The following CUL1 variants were observed in gnomAD, a reference collection of about 807,000 sequenced individuals.
The protein encoded by CUL1 is cullin-1.
In CUL1, 24 loss-of-function variants were observed where a neutral mutation model predicts 118.0. That is an observed-to-expected ratio of 0.20 (90% CI 0.15 to 0.29). The LOEUF (loss-of-function observed/expected upper bound fraction) is 0.29, where lower values mean the gene tolerates loss of function less well. Ranked by LOEUF, CUL1 falls within the 10% of genes least tolerant of loss-of-function variation. The pLI, the probability that CUL1 is intolerant of heterozygous loss-of-function variation, is 1.00. For missense variants in CUL1, 361 were observed against 933.8 expected, an observed-to-expected ratio of 0.39 and a Z score of 7.99; for synonymous variants, 332 against 340.4, an observed-to-expected ratio of 0.98 and a Z score of 0.27.
At position 148,783,288 on chromosome 7, in the gene CUL1, G is replaced by A. The variant is rs547944184; in HGVS notation, c.1084-495G>A. ...CGATGAGGCCCTGGCCCCCGGCATCGCCACGCGGATCCGCGCCTCTGGTTT... is the reference window on the plus strand; with the variant it reads ...CGATGAGGCCCTGGCCCCCGGCATCACCACGCGGATCCGCGCCTCTGGTTT... On this transcript the variant is annotated intron_variant, in intron 9 of 21. Transcript: ENST00000325222. 41 of 979,458 alleles carry A rather than the reference G, an allele frequency of 4.2e-5. 1 individual carries two copies. Among genetic ancestry groups the A allele is most frequent in the East Asian group, 1.1e-4 (1 of 8,746 alleles). The allele number at this position is 979,458 out of a possible 1,614,324, so 60.7% of individuals were successfully genotyped here.
At chr7:148,747,889 T>G (rs924197263) in intron 2 of CUL1, among the ~76,000 whole-genome samples, 1 of 152,162 alleles carries the variant, frequency 6.6e-6, no homozygotes, top group African/African-American at 2.4e-5. Context: ...ATTGAAGACT[T>G]TCAACCAAGG....
Position 148,754,371 on chromosome 7 carries a change from A to G in CUL1, c.315+221A>G, listed in dbSNP as rs916833805. 4.0e-4 allele frequency among the ~76,000 whole-genome samples: 61 copies of G among 152,158 alleles called. 1 individual carries two copies. The highest frequency in any genetic ancestry group is 3.2e-3 in the Admixed American group (49 of 15,272). On this transcript the variant is annotated intron_variant, in intron 3 of 21. Coordinates refer to ENST00000325222, the MANE Select transcript of CUL1 (RefSeq NM_003592.3). ...GTTTTTTCGAGATGGAGATCTCACT[A>G]TGTTGCCCAGGCTGGATTTTTGATC...
At chr7:148,749,889 A>C (rs1038591209) in intron 2 of CUL1, among the ~76,000 whole-genome samples, 8 of 152,268 alleles carry the variant, frequency 5.3e-5, no homozygotes. Context: ...GGAGGAAATT[A>C]AAAGCGCTGC....
rs894661962 is a variant in CUL1 at position 148,800,723 on chromosome 7, G to A, written c.*141G>A. 1.1e-5 allele frequency: 7 copies of A among 640,444 alleles called. No individual in the cohort carries two copies. Among genetic ancestry groups the A allele is most frequent in the South Asian group, 3.8e-5 (2 of 52,422 alleles). 39.7% of individuals were successfully genotyped at this position (640,444 alleles called of 1,614,324 possible). Reference sequence around the variant, plus strand: ...ACTGAGACCAAGACTCCCATCAGCTGGTCTCGGATTTACATCGGAACTGCT... The same window carrying A: ...ACTGAGACCAAGACTCCCATCAGCTAGTCTCGGATTTACATCGGAACTGCT... On this transcript the variant is annotated 3_prime_UTR_variant, in exon 22 of 22. Coordinates refer to ENST00000325222, the MANE Select transcript of CUL1 (RefSeq NM_003592.3). This position sits in a 1 kb window ranked among gnomAD's most constrained non-coding sequence, Gnocchi z 4.6.
intron 2 of CUL1, among the ~76,000 whole-genome samples, chr7:148,743,981 C>T (rs1337948304): frequency 1.3e-5 from 2 of 152,112 alleles, no homozygotes; most frequent in Non-Finnish European, 2.9e-5. Flanking sequence ...AATACATTTG[C>T]GAATATGTCT....
intron 1 of CUL1, 91 bp downstream of exon 1, chr7:148,699,120 G>C (rs1225766206): frequency 6.5e-6 from 1 of 152,942 alleles, no homozygotes; most frequent in South Asian, 1.8e-4. Context: ...GCAGTGACTC[G>C]GGCCGCGACG....
At chr7:148,745,872 A>G (rs903722476) in intron 2 of CUL1, among the ~76,000 whole-genome samples, 17 of 152,138 alleles carry the variant, frequency 1.1e-4, no homozygotes, top group African/African-American at 2.4e-4. Context: ...CATCTCTTCA[A>G]TTTAGATATA....
chr7:148,759,579 A>C lies in CUL1; in HGVS notation c.566A>C (p.Lys189Thr). The change falls in exon 6 of 22, where the codon AAG (lysine) becomes ACG (threonine). Residue 189 changes from lysine to threonine, a missense_variant. By Grantham distance (78) the Lys-to-Thr change is moderately conservative. Around this residue, in one of 7 missense-constraint regions of CUL1, gnomAD observed 169 missense variants for 429.7 expected, o/e 0.39. Coordinates refer to ENST00000325222, the MANE Select transcript of CUL1 (RefSeq NM_003592.3). ...VTNAVLKLIE[K>T]ERNGETINTR... ...AATGCTGTTTTAAAGCTGATTGAAA[A>C]GGAAAGGAATGGTGAAACCATCAAT... The C allele has an allele frequency of 6.2e-7, 1 of 1,611,386 alleles. No homozygotes were observed.
intron 9 of CUL1, among the ~76,000 whole-genome samples, chr7:148,782,552 C>G (rs914145816): frequency 2.0e-5 from 3 of 152,156 alleles, no homozygotes; most frequent in African/African-American, 7.2e-5. Flanking sequence ...TTTCTCTTAT[C>G]AAATGTTTAT....
chr7:148,747,901 A>G (rs1799355303), intron 2 of CUL1, among the ~76,000 whole-genome samples: 1 of 152,230 alleles, frequency 6.6e-6, no homozygotes, highest in Admixed American at 6.5e-5. Flanking sequence ...CAACCAAGGT[A>G]TAGAAGGTAA....
At position 148,759,308 on chromosome 7, in the gene CUL1, C is replaced by T. The variant is rs1483290618; in HGVS notation, c.488C>T (p.Ala163Val). The T allele has an allele frequency of 6.2e-7, 1 of 1,613,704 alleles. No homozygotes were observed. The highest frequency in any genetic ancestry group is 8.5e-7 in the Non-Finnish European group (1 of 1,179,750). Residue 163 changes from alanine (A) to valine (V), a missense_variant, in exon 5 of 22, where the codon GCA becomes GTA. Around this residue, in one of 7 missense-constraint regions of CUL1, gnomAD observed 169 missense variants for 429.7 expected, o/e 0.39. Coordinates refer to ENST00000325222, the MANE Select transcript of CUL1 (RefSeq NM_003592.3). ...TTTGTACTTTTTTTTCTCCAGCTTG[C>T]ATTGGTGACTTGGAGAGACTGTCTG... ...RKGIYEIYSL[A>V]LVTWRDCLFR... is the part of the protein sequence containing the mutation.
At chr7:148,760,566 G>A in intron 7 of CUL1, 70 bp downstream of exon 7, 1 of 1,083,018 alleles carries the variant, frequency 9.2e-7, no homozygotes, top group Non-Finnish European at 1.3e-6. Flanking sequence ...GTTCTTTTTA[G>A]CATATACAGC....
chr7:148,800,366 T>C lies in CUL1; in HGVS notation c.2251-136T>C, dbSNP rs1424306152. On this transcript the variant is annotated intron_variant, in intron 21 of 21. Transcript: ENST00000325222. The surrounding 1 kb of genome is among the most constrained non-coding windows in gnomAD (Gnocchi z 4.6). ...AAGTAAAACTCTATGCTAACAGATC[T>C]GGGGCGGGGACACTGCTCCCCACTG... The C allele has an allele frequency of 4.5e-6, 3 of 664,024 alleles. No homozygotes were observed. Among genetic ancestry groups the C allele is most frequent in the South Asian group, 1.8e-5 (1 of 55,856 alleles). The allele number at this position is 664,024 out of a possible 1,614,324, so 41.1% of individuals were successfully genotyped here. A position where few individuals can be genotyped will look rare whatever the true frequency, so the allele number is the denominator to read the frequency against.
At chr7:148,770,687 A>G (rs1244532916) in intron 9 of CUL1, among the ~76,000 whole-genome samples, 1 of 152,210 alleles carries the variant, frequency 6.6e-6, no homozygotes, top group Non-Finnish European at 1.5e-5. Flanking sequence ...ATCTCTGGGA[A>G]AGCCCACAGA....
At chr7:148,783,923 T>C in intron 10 of CUL1, 33 bp downstream of exon 10, 1 of 1,613,256 alleles carries the variant, frequency 6.2e-7, no homozygotes, top group South Asian at 1.1e-5. Context: ...TTGCCTGTAG[T>C]ATGTATGGAT....
At chr7:148,714,737 G>A (rs1798159564) in intron 1 of CUL1, among the ~76,000 whole-genome samples, 1 of 152,134 alleles carries the variant, frequency 6.6e-6, no homozygotes, top group South Asian at 2.1e-4. Context: ...GCAGTGGAAA[G>A]CATGAACACA....
intron 1 of CUL1, among the ~76,000 whole-genome samples, chr7:148,702,436 C>T (rs772553974): frequency 3.9e-5 from 6 of 151,974 alleles, no homozygotes; most frequent in African/African-American, 9.7e-5. Context: ...CCTTAGGCCC[C>T]GAAAGTATGT....
chr7:148,725,248 C>CACACACACACACACACACACA (rs3222168), intron 1 of CUL1, among the ~76,000 whole-genome samples: 1 of 151,274 alleles, frequency 6.6e-6, no homozygotes, highest in Admixed American at 6.6e-5. Flanking sequence ...CACACACACA[C>CACACACACACACACACACACA]CCGTACCCCT....
intron 1 of CUL1, among the ~76,000 whole-genome samples, chr7:148,722,447 C>T (rs1350319339): frequency 6.6e-6 from 1 of 152,210 alleles, no homozygotes; most frequent in Non-Finnish European, 1.5e-5. Context: ...ATTGCTCTTC[C>T]ATAAAGACCA....
Sources: gnomAD v4.1 joint callset for allele counts (sites outside exome capture counted in the v4.1 genomes callset) on GRCh38, gnomAD v4.1.1 for gene constraint, gnomAD v4.1.1 regional missense constraint, Gnocchi (gnomAD v3.1) non-coding constraint, MANE v1.5 for transcripts, NCBI Gene and HGNC (gene_info 2026-07-23, HGNC 2026-07-21) for gene names.